The following NALF1 variants were observed in gnomAD, a reference collection of about 807,000 sequenced individuals.
NALF1 encodes NALCN channel auxiliary factor 1, also known as family with sequence similarity 155 member A.
NALF1 carries 3 observed loss-of-function variants against 48.4 expected under a neutral mutation model. The observed-to-expected ratio is 0.06, with a 90% CI of 0.03 to 0.16. NALF1 has a LOEUF of 0.16. Ranked by LOEUF, NALF1 falls within the 10% of genes least tolerant of loss-of-function variation. The pLI, the probability that NALF1 is intolerant of heterozygous loss-of-function variation, is 1.00. For missense variants in NALF1, 526 were observed against 571.5 expected, an observed-to-expected ratio of 0.92 and a Z score of 0.81; for synonymous variants, 262 against 245.7, an observed-to-expected ratio of 1.07 and a Z score of -0.62.
intron 1 of NALF1, among the ~76,000 whole-genome samples, chr13:107,534,669 A>T (rs1876748731): frequency 6.6e-6 from 1 of 152,138 alleles, no homozygotes; most frequent in East Asian, 1.9e-4. Context: ...TGCAGACCTC[A>T]GGCATCTCTC....
At chr13:107,560,066 G>A (rs558127809) in intron 1 of NALF1, among the ~76,000 whole-genome samples, 1 of 152,190 alleles carries the variant, frequency 6.6e-6, no homozygotes, top group East Asian at 1.9e-4. Flanking sequence ...TTTAACCAGG[G>A]AAATCACCAA....
chr13:107,775,531 C>T (rs12560373), intron 1 of NALF1, among the ~76,000 whole-genome samples: 11,807 of 150,154 alleles, frequency 0.079, 557 homozygotes, highest in East Asian at 0.16. Context: ...TGCATGTGTC[C>T]TTATAGCAGC....
chr13:107,545,076 T>C (rs1250438770), intron 1 of NALF1, among the ~76,000 whole-genome samples: 1 of 152,182 alleles, frequency 6.6e-6, no homozygotes, highest in African/African-American at 2.4e-5. Context: ...TTAGTACATA[T>C]AAAGGTGATC....
At chr13:107,603,043 T>C (rs1348095518) in intron 1 of NALF1, among the ~76,000 whole-genome samples, 6 of 152,218 alleles carry the variant, frequency 3.9e-5, no homozygotes, top group Admixed American at 6.5e-5. Flanking sequence ...TTTTATTAAA[T>C]TGAAAATCAT....
chr13:107,724,919 C>G (rs1040626569), intron 1 of NALF1, among the ~76,000 whole-genome samples: 9 of 152,108 alleles, frequency 5.9e-5, no homozygotes, highest in Admixed American at 5.9e-4. Flanking sequence ...TCTAGCTCTA[C>G]AAACAATGAA....
chr13:107,647,123 G>A (rs1880334054), intron 1 of NALF1, among the ~76,000 whole-genome samples: 1 of 151,908 alleles, frequency 6.6e-6, no homozygotes, highest in South Asian at 2.1e-4. Context: ...TGTAATCAGT[G>A]AATCACTGTG....
At chr13:107,857,766 C>G (rs573218424) in intron 1 of NALF1, among the ~76,000 whole-genome samples, 2 of 152,286 alleles carry the variant, frequency 1.3e-5, no homozygotes, top group South Asian at 4.1e-4. Context: ...ATACAATATG[C>G]AAAGTCTGTT....
At chr13:107,307,901 G>A (rs918356940) in intron 1 of NALF1, among the ~76,000 whole-genome samples, 3 of 152,208 alleles carry the variant, frequency 2.0e-5, no homozygotes, top group Non-Finnish European at 2.9e-5. Context: ...ATTGTAAGTG[G>A]ATATATAAAC....
chr13:107,365,680 A>T (rs530570683), intron 1 of NALF1, among the ~76,000 whole-genome samples: 1 of 152,234 alleles, frequency 6.6e-6, no homozygotes, highest in Non-Finnish European at 1.5e-5. Context: ...TATCCCTGTA[A>T]TCTCATTCCA....
chr13:107,527,523 A>C (rs1487929275), intron 1 of NALF1, among the ~76,000 whole-genome samples: 1 of 152,138 alleles, frequency 6.6e-6, no homozygotes. Flanking sequence ...CATGGCTGAT[A>C]ATTAAATACA....
chr13:107,232,221 T>C (rs1221305994), intron 1 of NALF1, among the ~76,000 whole-genome samples: 3 of 152,194 alleles, frequency 2.0e-5, no homozygotes, highest in Non-Finnish European at 4.4e-5. Context: ...CTGTTATTCC[T>C]ACCCTGGATG....
chr13:107,800,781 T>C lies in NALF1; in HGVS notation c.915+64901A>G, dbSNP rs1388071730. On this transcript the variant is annotated intron_variant, in intron 1 of 2. Transcript: ENST00000375915. ...ATACAGTGTATAATATAGTTTATTATATTTAAATATAGTACAGGTAATTTC... is the reference window on the plus strand; with the variant it reads ...ATACAGTGTATAATATAGTTTATTACATTTAAATATAGTACAGGTAATTTC... Among the ~76,000 whole-genome samples, 5 of 149,062 alleles carry C rather than the reference T, an allele frequency of 3.4e-5. No individual in the cohort carries two copies. In the East Asian group the frequency reaches 9.7e-4, roughly 29 times the overall value.
chr13:107,249,570 ACC>A (rs752975890), intron 1 of NALF1, among the ~76,000 whole-genome samples: 3 of 151,718 alleles, frequency 2.0e-5, no homozygotes, highest in Non-Finnish European at 4.4e-5. Flanking sequence ...ATCAAGAGCC[ACC>A]CTGAAGGGTG....
Position 107,683,807 on chromosome 13 carries a change from C to A in NALF1, c.915+181875G>T, listed in dbSNP as rs73601395. Among the ~76,000 whole-genome samples, 1,198 of 151,816 alleles carry A rather than the reference C, an allele frequency of 7.9e-3. 13 individuals are homozygous for A. Among genetic ancestry groups the A allele is most frequent in the African/African-American group, 0.027 (1,109 of 41,422 alleles). On this transcript the variant is annotated intron_variant, in intron 1 of 2. Transcript: ENST00000375915. ...ATTTCTGCTCTGGAAGGGTCACTTG[C>A]GATTTTGTCCTCTGTCGCTGGACTC...
At chr13:107,280,570 C>A (rs1174378931) in intron 1 of NALF1, among the ~76,000 whole-genome samples, 1 of 152,166 alleles carries the variant, frequency 6.6e-6, no homozygotes, top group Non-Finnish European at 1.5e-5. Flanking sequence ...TCCCACCACA[C>A]TATAATCTAG....
intron 1 of NALF1, among the ~76,000 whole-genome samples, chr13:107,444,603 T>C (rs377043325): frequency 6.6e-6 from 1 of 152,206 alleles, no homozygotes; most frequent in African/African-American, 2.4e-5. Context: ...AATCCCTTAC[T>C]TGTTTTGACG....
At chr13:107,480,907 T>C (rs1020944500) in intron 1 of NALF1, among the ~76,000 whole-genome samples, 1 of 152,116 alleles carries the variant, frequency 6.6e-6, no homozygotes, top group Non-Finnish European at 1.5e-5. Flanking sequence ...GGCTTTCTCA[T>C]ATCATTTGGC....
In NALF1 at chr13:107,660,483, A is replaced by AG. The variant is rs771767199; in HGVS notation, c.915+205198_915+205199insC. 2.1e-4 allele frequency among the ~76,000 whole-genome samples: 24 copies of AG among 114,734 alleles called. No individual in the cohort carries two copies. In the East Asian group the frequency reaches 5.0e-3, roughly 24 times the overall value. The allele number at this position is 114,734 out of a possible 152,430, so 75.3% of individuals were successfully genotyped here. A position where few individuals can be genotyped will look rare whatever the true frequency, so the allele number is the denominator to read the frequency against. The stretch of plus-strand genomic sequence containing the variant: ...CACACACACACACACACACACACAC[A>AG]CAACAAAGAAACAAAAAAACAAACA... On this transcript the variant is annotated intron_variant, in intron 1 of 2. Coordinates refer to ENST00000375915, the MANE Select transcript of NALF1 (RefSeq NM_001080396.3).
chr13:107,471,587 G>A (rs1885101944), intron 1 of NALF1, among the ~76,000 whole-genome samples: 1 of 152,076 alleles, frequency 6.6e-6, no homozygotes, highest in South Asian at 2.1e-4. Flanking sequence ...AGAAATTATT[G>A]GTAATTTATT....
Sources: gnomAD v4.1 joint callset for allele counts (sites outside exome capture counted in the v4.1 genomes callset) on GRCh38, gnomAD v4.1.1 for gene constraint, MANE v1.5 for transcripts, NCBI Gene and HGNC (gene_info 2026-07-23, HGNC 2026-07-21) for gene names.